Variants in OCA2 observed in about 807,000 individuals in gnomAD.
The protein encoded by OCA2 is OCA2 melanosomal transmembrane protein.
A neutral mutation model predicts 100.2 loss-of-function variants in OCA2; 77 were observed. That is an observed-to-expected ratio of 0.77 (90% confidence interval 0.64 to 0.93). OCA2 has a LOEUF of 0.93. Ranked by LOEUF, OCA2 falls within the 40% of genes least tolerant of loss-of-function variation. The probability of loss-of-function intolerance (pLI) is 0.00; values close to 1 mark genes in which losing one functional copy is unlikely to be tolerated. For missense variants in OCA2, 1,062 were observed against 1,089.1 expected (o/e 0.98, Z 0.35); for synonymous variants, 432 against 439.2 (o/e 0.98, Z 0.21).
At chr15:27,793,926 C>A (rs923924783) in intron 23 of OCA2, among the ~76,000 whole-genome samples, 1 of 152,182 alleles carries the variant, frequency 6.6e-6, no homozygotes, top group Non-Finnish European at 1.5e-5. Context: ...GGCCACAGCT[C>A]CACTGCTACA....
At chr15:27,976,207 TAAAG>T (rs2040960644) in intron 14 of OCA2, among the ~76,000 whole-genome samples, 1 of 152,206 alleles carries the variant, frequency 6.6e-6, no homozygotes, top group Non-Finnish European at 1.5e-5. Context: ...CATCCGCAAA[TAAAG>T]ACTTTTAATT....
chr15:27,820,853 C>T (rs2034475600), intron 23 of OCA2, among the ~76,000 whole-genome samples: 1 of 152,104 alleles, frequency 6.6e-6, no homozygotes, highest in Admixed American at 6.5e-5. Flanking sequence ...CTGTAAGTGG[C>T]AATTTGCCTT....
At chr15:27,904,572 A>G (rs1260813081) in intron 19 of OCA2, among the ~76,000 whole-genome samples, 2 of 152,130 alleles carry the variant, frequency 1.3e-5, no homozygotes, top group East Asian at 1.9e-4. Flanking sequence ...GAGCTGACAC[A>G]TGGAGCAGCA....
intron 23 of OCA2, among the ~76,000 whole-genome samples, chr15:27,831,163 GT>G: frequency 6.6e-6 from 1 of 151,808 alleles, no homozygotes; most frequent in South Asian, 2.1e-4. Flanking sequence ...GCACGTGCCT[GT>G]AATCCCACCT....
chr15:27,849,638 T>C (rs1424364208), intron 22 of OCA2, among the ~76,000 whole-genome samples: 1 of 151,878 alleles, frequency 6.6e-6, no homozygotes, highest in Non-Finnish European at 1.5e-5. Context: ...CTATTTAAAG[T>C]GTTCCTCAGA....
chr15:27,752,614 A>G (rs1472851788), downstream of OCA2, among the ~76,000 whole-genome samples: 2 of 152,118 alleles, frequency 1.3e-5, no homozygotes, highest in African/African-American at 2.4e-5. Context: ...CCTGGCTTCC[A>G]GCTAGCTCAG....
chr15:28,091,274 C>G (rs1484235415), intron 1 of OCA2, among the ~76,000 whole-genome samples: 3 of 152,146 alleles, frequency 2.0e-5, no homozygotes, highest in Admixed American at 2.0e-4. Flanking sequence ...TCTATACAAT[C>G]TCTTCCAGAA....
intron 18 of OCA2, among the ~76,000 whole-genome samples, chr15:27,928,215 A>G (rs2039115788): frequency 6.6e-6 from 1 of 152,198 alleles, no homozygotes; most frequent in African/African-American, 2.4e-5. Context: ...TAAGTAGAAG[A>G]AAAGAAATAA....
intron 19 of OCA2, among the ~76,000 whole-genome samples, chr15:27,921,767 C>T (rs1396229050): frequency 6.6e-6 from 1 of 152,184 alleles, no homozygotes; most frequent in Non-Finnish European, 1.5e-5. Context: ...GTGGCACAAT[C>T]GTGGCTCACT....
intron 23 of OCA2, among the ~76,000 whole-genome samples, chr15:27,806,365 GC>G (rs2033847774): frequency 6.6e-6 from 1 of 152,250 alleles, no homozygotes; most frequent in Non-Finnish European, 1.5e-5. Context: ...TGTGTAAAGT[GC>G]ACAAGATGAA....
At chr15:27,930,329 G>C (rs2039202443) in intron 18 of OCA2, among the ~76,000 whole-genome samples, 1 of 152,088 alleles carries the variant, frequency 6.6e-6, no homozygotes, top group South Asian at 2.1e-4. Context: ...ATGAATTATT[G>C]ATGTATGCTA....
chr15:27,824,837 C>T (rs931664), intron 23 of OCA2, among the ~76,000 whole-genome samples: 75,307 of 150,724 alleles, frequency 0.5, 19,503 homozygotes, highest in South Asian at 0.76. Context: ...CGTCCCTCTG[C>T]CGAAGACAGG....
intron 2 of OCA2, among the ~76,000 whole-genome samples, chr15:28,068,563 A>G (rs1316430800): frequency 6.6e-6 from 1 of 152,230 alleles, no homozygotes; most frequent in Non-Finnish European, 1.5e-5. Flanking sequence ...AAAAATCAAG[A>G]AGGAGGGGCT....
chr15:27,893,544 G>GAATATT (rs2037555366), intron 19 of OCA2, among the ~76,000 whole-genome samples: 1 of 152,104 alleles, frequency 6.6e-6, no homozygotes, highest in Non-Finnish European at 1.5e-5. Flanking sequence ...TCCTAGCAAG[G>GAATATT]AATATTAATA....
chr15:28,021,672 C>T (rs563762162), intron 6 of OCA2, among the ~76,000 whole-genome samples: 1 of 152,306 alleles, frequency 6.6e-6, no homozygotes, highest in African/African-American at 2.4e-5. Context: ...AAGCATCCCC[C>T]AGTGATGCCA....
intron 19 of OCA2, among the ~76,000 whole-genome samples, chr15:27,890,449 T>C (rs1479995303): frequency 1.3e-5 from 2 of 152,110 alleles, no homozygotes; most frequent in Non-Finnish European, 2.9e-5. Context: ...AAGAAAAACC[T>C]TGAATGCAGC....
At chr15:27,950,009 A>G (rs1213928450) in intron 18 of OCA2, among the ~76,000 whole-genome samples, 4 of 152,190 alleles carry the variant, frequency 2.6e-5, no homozygotes, top group African/African-American at 9.6e-5. Context: ...CAACCACACA[A>G]AAGGAGATGA....
chr15:27,759,520 G>T (rs1392014215), intron 23 of OCA2, among the ~76,000 whole-genome samples: 1 of 151,692 alleles, frequency 6.6e-6, no homozygotes, highest in Non-Finnish European at 1.5e-5. Flanking sequence ...AGCAGGAATG[G>T]CTATATTAAT....
chr15:27,953,152 T>C (rs958447959), intron 17 of OCA2, among the ~76,000 whole-genome samples: 3 of 152,206 alleles, frequency 2.0e-5, no homozygotes, highest in African/African-American at 7.2e-5. Context: ...TCTATAGCTA[T>C]CTGGATTTGG....
Sources: allele counts gnomAD v4.1 joint callset (sites outside exome capture counted in the v4.1 genomes callset), GRCh38; gene constraint gnomAD v4.1.1; transcripts MANE v1.5; gene names NCBI Gene and HGNC (gene_info 2026-07-23, HGNC 2026-07-21).